The following EML4 variants were observed in gnomAD, a reference collection of about 807,000 sequenced individuals.
The protein encoded by EML4 is echinoderm microtubule-associated protein-like 4.
A neutral mutation model predicts 129.0 loss-of-function variants in EML4; 72 were observed. That is an observed-to-expected ratio of 0.56 (90% CI 0.46 to 0.68). EML4 has a LOEUF of 0.68. EML4 is among the 30% of genes least tolerant of loss of function. The probability of loss-of-function intolerance (pLI) is 0.00; values close to 1 mark genes in which losing one functional copy is unlikely to be tolerated. For synonymous variants in EML4, 532 were observed against 405.0 expected (o/e 1.31, Z -3.77); for missense variants, 1,363 against 1,190.6 (o/e 1.14, Z -2.13).
chr2:42,230,872 C>G (rs1416715159), intron 1 of EML4, among the ~76,000 whole-genome samples: 2 of 152,142 alleles, frequency 1.3e-5, no homozygotes, highest in South Asian at 2.1e-4. Flanking sequence ...CTTGTTTTTT[C>G]TATTTTAGCC....
At position 42,169,559 on chromosome 2, in the gene EML4, C is replaced by G; in HGVS notation, c.-53C>G. On this transcript the variant is annotated 5_prime_UTR_variant, in exon 1 of 23. Coordinates refer to ENST00000318522, the MANE Select transcript of EML4 (RefSeq NM_019063.5). ...CAGCGTCGGCCACTCTGTCGGTCCG[C>G]TGAATGAAGTGCCCGCCCCTCTAAG... is the stretch of plus-strand genomic sequence containing the variant. The G allele has an allele frequency of 6.3e-7, 1 of 1,582,096 alleles. No homozygotes were observed. Among genetic ancestry groups the G allele is most frequent in the Non-Finnish European group, 8.6e-7 (1 of 1,168,504 alleles).
chr2:42,172,169 A>G (rs1363960782), intron 1 of EML4, among the ~76,000 whole-genome samples: 1 of 152,036 alleles, frequency 6.6e-6, no homozygotes, highest in African/African-American at 2.4e-5. Flanking sequence ...TACATATTAG[A>G]TAGATTCTTG....
intron 1 of EML4, among the ~76,000 whole-genome samples, chr2:42,206,105 G>C (rs558361346): frequency 6.6e-6 from 1 of 152,098 alleles, no homozygotes; most frequent in Non-Finnish European, 1.5e-5. Context: ...ACGTTTGTAC[G>C]ACATTTTTAA....
At chr2:42,303,712 T>G (rs1336114802) in intron 16 of EML4, among the ~76,000 whole-genome samples, 1 of 151,998 alleles carries the variant, frequency 6.6e-6, no homozygotes, top group Non-Finnish European at 1.5e-5. Context: ...GATCACGAGG[T>G]CAGGAGATCG....
intron 9 of EML4, among the ~76,000 whole-genome samples, 187 bp downstream of exon 9, chr2:42,284,890 A>C (rs1429827520): frequency 6.6e-6 from 1 of 152,186 alleles, no homozygotes; most frequent in African/African-American, 2.4e-5. Flanking sequence ...CATACTAATA[A>C]ATTTTGTTTT....
intron 1 of EML4, among the ~76,000 whole-genome samples, chr2:42,243,203 A>G (rs1675155650): frequency 1.3e-5 from 2 of 152,198 alleles, no homozygotes; most frequent in Admixed American, 6.5e-5. Context: ...ACCAAGAAAT[A>G]TGGTGGAGTT....
intron 17 of EML4, among the ~76,000 whole-genome samples, chr2:42,315,341 A>T (rs1669185306): frequency 6.6e-6 from 1 of 152,086 alleles, no homozygotes; most frequent in Non-Finnish European, 1.5e-5. Context: ...CCTTTCTCCC[A>T]ACTTAGTGTC....
intron 6 of EML4, among the ~76,000 whole-genome samples, chr2:42,278,749 C>G (rs1483570387): frequency 6.6e-6 from 1 of 151,926 alleles, no homozygotes; most frequent in Non-Finnish European, 1.5e-5. Context: ...GCCTGACCAA[C>G]ATGGTGAAAC....
At chr2:42,237,149 G>A (rs1368367261) in intron 1 of EML4, among the ~76,000 whole-genome samples, 2 of 152,050 alleles carry the variant, frequency 1.3e-5, no homozygotes, top group East Asian at 3.9e-4. Context: ...TGCCCAGGCT[G>A]GTCTCGAACT....
Position 42,263,185 on chromosome 2 carries a change from C to T in EML4, c.520C>T (p.Arg174Ter), listed in dbSNP as rs755551451. ...KNATPTKSIK[R>*]PSPAEKSHNS... Reference sequence around the variant, plus strand: ...AATTAATGTTCCTTCTAGCATAAAACGACCATCACCAGCTGAAAAGTCACA... The same window carrying T: ...AATTAATGTTCCTTCTAGCATAAAATGACCATCACCAGCTGAAAAGTCACA... The change falls in exon 5 of 23, where the codon CGA becomes TGA. Residue 174 changes from arginine (R) to a stop codon, truncating the protein, a stop_gained. Coordinates refer to ENST00000318522, the MANE Select transcript of EML4 (RefSeq NM_019063.5). LOFTEE classifies it high-confidence loss of function. 6.2e-7 allele frequency: 1 copy of T among 1,610,106 alleles called. No homozygotes were observed. Among genetic ancestry groups the T allele is most frequent in the Non-Finnish European group, 8.5e-7 (1 of 1,178,660 alleles).
chr2:42,274,611 A>C (rs527684091), intron 6 of EML4, among the ~76,000 whole-genome samples: 21 of 152,320 alleles, frequency 1.4e-4, no homozygotes, highest in African/African-American at 5.1e-4. Context: ...CTTTTTTATA[A>C]GGATCTTAAA....
At chr2:42,205,515 C>T (rs1194786335) in intron 1 of EML4, among the ~76,000 whole-genome samples, 1 of 149,078 alleles carries the variant, frequency 6.7e-6, no homozygotes, top group African/African-American at 2.4e-5. Context: ...CCCTGGCTTA[C>T]CTAACTCACA....
chr2:42,317,621 T>G, intron 19 of EML4, 97 bp downstream of exon 19: 1 of 753,778 alleles, frequency 1.3e-6, no homozygotes, highest in South Asian at 1.7e-5. Context: ...TTTCCTGTCG[T>G]TAGCTGCTTT....
chr2:42,218,869 G>T (rs957367987), intron 1 of EML4, among the ~76,000 whole-genome samples: 8 of 152,042 alleles, frequency 5.3e-5, no homozygotes, highest in African/African-American at 7.2e-5. Flanking sequence ...TTGCTGTGTT[G>T]TCCAGCCTAG....
intron 17 of EML4, among the ~76,000 whole-genome samples, chr2:42,314,597 A>G (rs554598176): frequency 2.0e-5 from 3 of 152,290 alleles, no homozygotes; most frequent in African/African-American, 7.2e-5. Context: ...ACACTGCACT[A>G]CTATTAAATA....
chr2:42,314,190 C>G (rs1283947179), intron 17 of EML4, among the ~76,000 whole-genome samples: 3 of 152,048 alleles, frequency 2.0e-5, no homozygotes, highest in African/African-American at 4.8e-5. Flanking sequence ...AAAACCCTGT[C>G]TCTACTAAAA....
At chr2:42,242,950 T>C (rs942071132) in intron 1 of EML4, among the ~76,000 whole-genome samples, 3 of 152,070 alleles carry the variant, frequency 2.0e-5, no homozygotes, top group African/African-American at 7.2e-5. Context: ...GCTAATTTTT[T>C]CCATTTTTGT....
At chr2:42,305,082 C>G (rs528779479) in intron 17 of EML4, among the ~76,000 whole-genome samples, 1 of 152,156 alleles carries the variant, frequency 6.6e-6, no homozygotes, top group Non-Finnish European at 1.5e-5. Context: ...TGCCACTGCG[C>G]TCCAGCATGG....
chr2:42,295,357 A>C, intron 12 of EML4, 24 bp from the exon 13 acceptor site: 4 of 1,605,038 alleles, frequency 2.5e-6, no homozygotes, highest in Non-Finnish European at 3.4e-6. Flanking sequence ...AAGAAAACTG[A>C]AAATTTTTAT....
Sources: gnomAD v4.1 joint callset for allele counts (sites outside exome capture counted in the v4.1 genomes callset) on GRCh38, gnomAD v4.1.1 for gene constraint, MANE v1.5 for transcripts, NCBI Gene and HGNC (gene_info 2026-07-23, HGNC 2026-07-21) for gene names.